Variants in DCHS1 observed in about 807,000 individuals in gnomAD.
The protein encoded by DCHS1 is protocadherin-16.
Under a neutral mutation model 213.9 loss-of-function variants are expected in DCHS1, and 78 were observed. The ratio of observed to expected loss-of-function variants is 0.36; its 90% CI spans 0.30 to 0.44. DCHS1 has a LOEUF of 0.44. Among genes scored for constraint, DCHS1 ranks in the 20% least tolerant of loss-of-function variants. The pLI is 1.00. For missense variants in DCHS1, 3,946 were observed against 4,395.9 expected, an observed-to-expected ratio of 0.90 and a Z score of 2.89; for synonymous variants, 1,828 against 1,873.7, an observed-to-expected ratio of 0.98 and a Z score of 0.63.
intron 7 of DCHS1, 78 bp downstream of exon 7, chr11:6,631,538 A>C: frequency 1.9e-6 from 3 of 1,561,608 alleles, no homozygotes; most frequent in Non-Finnish European, 2.6e-6. Context: ...GCAGTCTCTT[A>C]CCTACACCTA....
At position 6,629,661 on chromosome 11, in the gene DCHS1, C is replaced by CG; in HGVS notation, c.5035+10_5035+11insC. Reference sequence around the variant, plus strand: ...TCCATCCCACTCATAATTCACCCCCCCAGGTCTTACCCACGTCGGGGTCGG... The same window carrying CG: ...TCCATCCCACTCATAATTCACCCCCCGCAGGTCTTACCCACGTCGGGGTCGG... On this transcript the variant is annotated intron_variant, in intron 11 of 20. Coordinates refer to ENST00000299441, the MANE Select transcript of DCHS1 (RefSeq NM_003737.4). The CG allele has an allele frequency of 6.2e-7, 1 of 1,612,990 alleles. No homozygotes were observed. The highest frequency in any genetic ancestry group is 1.6e-4 in the Middle Eastern group (1 of 6,062).
chr11:6,640,680 C>A lies in DCHS1; in HGVS notation c.934G>T (p.Gly312Trp), dbSNP rs748410275. Residue 312 changes from glycine to tryptophan, a missense_variant, in exon 2 of 21, where the codon GGG (glycine) becomes TGG (tryptophan). By Grantham distance (184) the Gly-to-Trp change is radical. This residue lies in a region of DCHS1 where 3,384 missense variants were observed against 3,780.1 expected (regional missense o/e 0.90). Transcript: ENST00000299441. The surrounding 1 kb of genome is among the most constrained non-coding windows in gnomAD (Gnocchi z 6.5). Reference protein sequence around the residue: ...DGPFSIDAHTGLLQLERPLDF... With the variant: ...DGPFSIDAHTWLLQLERPLDF... ...AGTGGCCGCTCTAACTGCAGCAGCC[C>A]CGTGTGTGCGTCGATGGAGAAGGGT... 6.2e-7 allele frequency: 1 copy of A among 1,613,338 alleles called. No homozygotes were observed. Among genetic ancestry groups the A allele is most frequent in the Non-Finnish European group, 8.5e-7 (1 of 1,179,888 alleles).
In DCHS1 at chr11:6,629,720, G is replaced by T; in HGVS notation, c.4987C>A (p.Pro1663Thr). 1 of 1,613,902 alleles carries T rather than the reference G, an allele frequency of 6.2e-7. No individual in the cohort carries two copies. Among genetic ancestry groups the T allele is most frequent in the Non-Finnish European group, 8.5e-7 (1 of 1,179,868 alleles). ...AGGGTGAGCAGAGATGTGCCAGGAG[G>T]GTTGTTCTCACGCAAGAGGACGCTG... Reference protein sequence around the residue: ...EYSVLLRENNPPGTSLLTLRA... With the variant: ...EYSVLLRENNTPGTSLLTLRA... Residue 1663 changes from proline (P) to threonine (T), a missense_variant, in exon 11 of 21, where the codon CCT becomes ACT. Physicochemically the swap from Pro to Thr is conservative, Grantham distance 38 (BLOSUM62 -1). This residue lies in a region of DCHS1 where 3,384 missense variants were observed against 3,780.1 expected (regional missense o/e 0.90). Coordinates refer to ENST00000299441, the MANE Select transcript of DCHS1 (RefSeq NM_003737.4).
At position 6,624,073 on chromosome 11, in the gene DCHS1, G is replaced by T; in HGVS notation, c.7603C>A (p.Pro2535Thr). 6.2e-7 allele frequency: 1 copy of T among 1,612,946 alleles called. No individual in the cohort carries two copies. Among genetic ancestry groups the T allele is most frequent in the Non-Finnish European group, 8.5e-7 (1 of 1,179,584 alleles). The change falls in exon 21 of 21, where the codon CCC becomes ACC. Residue 2535 changes from proline to threonine, a missense_variant. Physicochemically the swap from Pro to Thr is conservative, Grantham distance 38. This residue lies in a region of DCHS1 where 3,384 missense variants were observed against 3,780.1 expected (regional missense o/e 0.90). Transcript: ENST00000299441. ...GNWGRVFQLEPRLAEAGESAG... is the reference protein window; with the variant it reads ...GNWGRVFQLETRLAEAGESAG... ...CTCTCCCCAGCCTCAGCCAGCCTGG[G>T]TTCCAGCTGGAAGACTCGGCCCCAG...
At chr11:6,624,949 CT>C in intron 19 of DCHS1, 81 bp from the exon 20 acceptor site, 1 of 1,574,954 alleles carries the variant, frequency 6.3e-7, no homozygotes, top group Non-Finnish European at 8.6e-7. Flanking sequence ...AGCTTGGTTC[CT>C]TGTGCCCTGC....
Position 6,640,378 on chromosome 11 carries a change from A to T in DCHS1, c.1236T>A (p.Phe412Leu). The T allele has an allele frequency of 6.2e-7, 1 of 1,613,762 alleles. No homozygotes were observed. Among genetic ancestry groups the T allele is most frequent in the Non-Finnish European group, 8.5e-7 (1 of 1,179,754 alleles). Residue 412 changes from phenylalanine (F) to leucine (L), a missense_variant, in exon 2 of 21, where the codon TTT (phenylalanine) becomes TTA (leucine). By Grantham distance (22) the Phe-to-Leu change is conservative. Coordinates refer to ENST00000299441, the MANE Select transcript of DCHS1 (RefSeq NM_003737.4). This position sits in a 1 kb window ranked among gnomAD's most constrained non-coding sequence, Gnocchi z 6.5. ...TGACGCTGTCTTGGGTGCTTAGGGC[A>T]AAGTGGCCCTCTCCACCTTCCAGGG... ...NVSLEGGEGHFALSTQDSVIY... is the reference protein window; with the variant it reads ...NVSLEGGEGHLALSTQDSVIY...
Position 6,631,335 on chromosome 11 carries a change from C to T in DCHS1, c.3748G>A (p.Gly1250Arg), listed in dbSNP as rs371857669. 7 of 1,614,000 alleles carry T rather than the reference C, an allele frequency of 4.3e-6. No individual in the cohort carries two copies. The highest frequency in any genetic ancestry group is 5.1e-6 in the Non-Finnish European group (6 of 1,179,878). The change falls in exon 8 of 21, where the codon GGG (glycine) becomes AGG (arginine). Residue 1250 changes from glycine (G) to arginine (R), a missense_variant. Around this residue, in one of 3 missense-constraint regions of DCHS1, gnomAD observed 3,384 missense variants for 3,780.1 expected, o/e 0.90. Transcript: ENST00000299441. ...CCAGTTAGCGTGTACAAGATGGTCC[C>T]ATTCTCCCCCTCATCTGGATCCTTC... ...QAKDPDEGEN[G>R]TILYTLTGPG...
intron 1 of DCHS1, among the ~76,000 whole-genome samples, chr11:6,646,397 G>T (rs897690668): frequency 6.6e-6 from 1 of 152,150 alleles, no homozygotes; most frequent in South Asian, 2.1e-4. Flanking sequence ...TCCCGAGACC[G>T]TCTCATGCTC....
chr11:6,624,875 T>G lies in DCHS1; in HGVS notation c.7147-7A>C, dbSNP rs553904945. ...TGTGCTCAAGCAGCATTACCTGAAG[T>G]GTGAGGAAAAGTGCTTATTGCCAGG... On this transcript the variant is annotated splice_polypyrimidine_tract_variant and splice_region_variant and intron_variant, in intron 19 of 20. Transcript: ENST00000299441. 85 of 1,613,616 alleles carry G rather than the reference T, an allele frequency of 5.3e-5. No homozygotes were observed. In the South Asian group the frequency reaches 8.7e-4, roughly 16 times the overall value.
At position 6,622,631 on chromosome 11, in the gene DCHS1, A is replaced by T; in HGVS notation, c.9045T>A (p.Ala3015=). 1 of 1,586,792 alleles carries T rather than the reference A, an allele frequency of 6.3e-7. No individual in the cohort carries two copies. The highest frequency in any genetic ancestry group is 2.3e-5 in the East Asian group (1 of 43,596). ...QTLPSYGGPG[A]GGPYPRGGSL... ...AGCCACCACGGGGGTAGGGTCCTCC[A>T]GCTCCTGGCCCACCATAGCTGGGAA... The change falls in exon 21 of 21, where the codon GCT becomes GCA. Residue 3015 remains alanine, a synonymous_variant. Transcript: ENST00000299441. This position sits in a 1 kb window ranked among gnomAD's most constrained non-coding sequence, Gnocchi z 5.4.
In DCHS1 at chr11:6,627,151, C is replaced by T; in HGVS notation, c.5888G>A (p.Ser1963Asn). The T allele has an allele frequency of 6.2e-7, 1 of 1,612,226 alleles. No homozygotes were observed. Among genetic ancestry groups the T allele is most frequent in the Non-Finnish European group, 8.5e-7 (1 of 1,178,922 alleles). Residue 1963 changes from serine (S) to asparagine (N), a missense_variant, in exon 14 of 21, where the codon AGT becomes AAT. By Grantham distance (46) the Ser-to-Asn change is conservative. Around this residue, in one of 3 missense-constraint regions of DCHS1, gnomAD observed 3,384 missense variants for 3,780.1 expected, o/e 0.90. Coordinates refer to ENST00000299441, the MANE Select transcript of DCHS1 (RefSeq NM_003737.4). The surrounding 1 kb of genome is among the most constrained non-coding windows in gnomAD (Gnocchi z 5.4). Reference protein sequence around the residue: ...VNDHAPTFPTSPLRLRLPRPG... With the variant: ...VNDHAPTFPTNPLRLRLPRPG... ...GCGGGGCAGACGTAGGCGCAGAGGA[C>T]TGGTGGGGAAGGTGGGTGCATGGTC...
At chr11:6,642,790 A>G (rs1856098458) in intron 1 of DCHS1, among the ~76,000 whole-genome samples, 1 of 152,210 alleles carries the variant, frequency 6.6e-6, no homozygotes, top group Non-Finnish European at 1.5e-5. Flanking sequence ...AATATGACCT[A>G]TATTTTGTGA....
chr11:6,629,570 G>A lies in DCHS1; in HGVS notation c.5043C>T (p.Asn1681=), dbSNP rs762274197. The change falls in exon 12 of 21, where the codon AAC becomes AAT. Residue 1681 remains asparagine (N), a synonymous_variant. Transcript: ENST00000299441. Reference sequence around the variant, plus strand: ...AGACGCCTCCATAAGTCACTTGCCCGTTGGCCCCTGAGGAGGGGCAGCATG... The same window carrying A: ...AGACGCCTCCATAAGTCACTTGCCCATTGGCCCCTGAGGAGGGGCAGCATG... ...LRATDPDVGA[N]GQVTYGGVSS... 2.0e-5 allele frequency: 33 copies of A among 1,613,570 alleles called. No homozygotes were observed. Among genetic ancestry groups the A allele is most frequent in the Non-Finnish European group, 2.7e-5 (32 of 1,179,722 alleles).
chr11:6,640,710 C>T lies in DCHS1; in HGVS notation c.904G>A (p.Asp302Asn). ...YEINRRQSEG[D>N]GPFSIDAHTG... ...TGTGCGTCGATGGAGAAGGGTCCAT[C>T]ACCCTCGCTCTGCCTCCGGTTGATC... The change falls in exon 2 of 21, where the codon GAT (aspartate) becomes AAT (asparagine). Residue 302 changes from aspartate to asparagine, a missense_variant. By Grantham distance (23) the Asp-to-Asn change is conservative. This residue lies in a region of DCHS1 where 3,384 missense variants were observed against 3,780.1 expected (regional missense o/e 0.90). Coordinates refer to ENST00000299441, the MANE Select transcript of DCHS1 (RefSeq NM_003737.4). The surrounding 1 kb of genome is among the most constrained non-coding windows in gnomAD (Gnocchi z 6.5). 2.5e-6 allele frequency: 4 copies of T among 1,613,838 alleles called. No homozygotes were observed. The highest frequency in any genetic ancestry group is 3.4e-6 in the Non-Finnish European group (4 of 1,179,866).
At chr11:6,630,990 G>C in intron 9 of DCHS1, 63 bp downstream of exon 9, 1 of 1,541,596 alleles carries the variant, frequency 6.5e-7, no homozygotes, top group Non-Finnish European at 8.7e-7. Flanking sequence ...AAGGATTCCC[G>C]TGAAGCTGGA....
chr11:6,644,007 A>G (rs1282755002), intron 1 of DCHS1, among the ~76,000 whole-genome samples: 2 of 152,064 alleles, frequency 1.3e-5, no homozygotes, highest in African/African-American at 4.8e-5. Flanking sequence ...TGTTTCTCCA[A>G]ATTGCCACAT....
intron 2 of DCHS1, among the ~76,000 whole-genome samples, chr11:6,638,198 C>T (rs1856015386): frequency 6.6e-6 from 1 of 152,192 alleles, no homozygotes; most frequent in African/African-American, 2.4e-5. Context: ...GCCTGGAAGT[C>T]TATGCCCTGA....
In DCHS1 at chr11:6,640,861, A is replaced by G. The variant is rs893664333; in HGVS notation, c.753T>C (p.His251=). Residue 251 remains histidine, a synonymous_variant, in exon 2 of 21, where the codon CAT becomes CAC. Transcript: ENST00000299441. This position sits in a 1 kb window ranked among gnomAD's most constrained non-coding sequence, Gnocchi z 6.5. Reference sequence around the variant, plus strand: ...AGCGGCTCTGATTGAAAGCCGGGGCATGGTCATTGATGTCCAGCAGTGTCA... The same window carrying G: ...AGCGGCTCTGATTGAAAGCCGGGGCGTGGTCATTGATGTCCAGCAGTGTCA... ...LDVTLLDIND[H]APAFNQSRYH... 5.0e-6 allele frequency: 8 copies of G among 1,614,022 alleles called. No individual in the cohort carries two copies. The East Asian group carries it at 1.6e-4, about 31-fold the overall frequency.
rs554638348 is a variant in DCHS1 at position 6,629,655 on chromosome 11, A to AC, written c.5035+16dup. 1.9e-3 allele frequency: 3,070 copies of AC among 1,610,126 alleles called. 5 individuals are homozygous for AC. Among genetic ancestry groups the AC allele is most frequent in the Non-Finnish European group, 2.2e-3 (2,593 of 1,178,502 alleles). Reference sequence around the variant, plus strand: ...CCCCAGTCCATCCCACTCATAATTCACCCCCCCAGGTCTTACCCACGTCGG... The same window carrying AC: ...CCCCAGTCCATCCCACTCATAATTCACCCCCCCCAGGTCTTACCCACGTCGG... On this transcript the variant is annotated intron_variant, in intron 11 of 20. Transcript: ENST00000299441.
Sources: allele counts gnomAD v4.1 joint callset (sites outside exome capture counted in the v4.1 genomes callset), GRCh38; gene constraint gnomAD v4.1.1; regional missense constraint gnomAD v4.1.1; non-coding constraint Gnocchi (gnomAD v3.1); transcripts MANE v1.5; gene names NCBI Gene and HGNC (gene_info 2026-07-23, HGNC 2026-07-21).